PCDH19: variants seen among roughly 807,000 people sequenced by gnomAD.
PCDH19 encodes the protein protocadherin-19.
Under a neutral mutation model 46.2 loss-of-function variants are expected in PCDH19, and 6 were observed. The ratio of observed to expected loss-of-function variants is 0.13; its 90% CI spans 0.07 to 0.26. The LOEUF (loss-of-function observed/expected upper bound fraction) is 0.26, where lower values mean the gene tolerates loss of function less well. Ranked by LOEUF, PCDH19 falls within the 10% of genes least tolerant of loss-of-function variation. The pLI is 1.00. For synonymous variants in PCDH19, 481 were observed against 415.7 expected, an observed-to-expected ratio of 1.16 and a Z score of -1.91; for missense variants, 740 against 972.3, an observed-to-expected ratio of 0.76 and a Z score of 3.18.
At chrX:100,354,961 G>A (rs1926670876) in intron 3 of PCDH19, among the ~76,000 whole-genome samples, 1 of 110,872 alleles carries the variant, frequency 9.0e-6, no homozygotes, top group Non-Finnish European at 1.9e-5. Context: ...AATGGGTCTA[G>A]AGCAAACTTT....
chrX:100,346,365 G>A (rs1031813709), intron 4 of PCDH19, among the ~76,000 whole-genome samples: 2 of 112,218 alleles, frequency 1.8e-5, no homozygotes, highest in Non-Finnish European at 3.8e-5. Flanking sequence ...GAGTGAGAAT[G>A]AAGATTATTA....
rs1928458538 is a variant in PCDH19, at chrX:100,408,139, A to G, written c.459T>C (p.Ala153=). 1 of 1,211,347 alleles carries G rather than the reference A, an allele frequency of 8.3e-7. No individual in the cohort carries two copies. The highest frequency in any genetic ancestry group is 3.0e-5 in the East Asian group (1 of 33,824). Residue 153 remains alanine, a synonymous_variant, in exon 1 of 6, where the codon GCT becomes GCC. Transcript: ENST00000373034. The part of the protein sequence containing the change: ...SPGTRIPLDS[A]YDPDSGSFGV... ...CAAAGCTTCCTGAGTCTGGATCGTA[A>G]GCGCTGTCCAGCGGGATGCGCGTGC...
At chrX:100,310,309 A>G (rs1925092793) in intron 5 of PCDH19, among the ~76,000 whole-genome samples, 1 of 111,115 alleles carries the variant, frequency 9.0e-6, no homozygotes, top group African/African-American at 3.3e-5. Context: ...CATAAAGAAG[A>G]GATTTCAAGA....
chrX:100,313,374 G>C (rs1003734167), intron 5 of PCDH19, among the ~76,000 whole-genome samples: 5 of 111,533 alleles, frequency 4.5e-5, no homozygotes, highest in Non-Finnish European at 9.4e-5. Context: ...CTCCGTTCAA[G>C]CCTGCATGAT....
At chrX:100,396,071 G>A (rs1928018126) in intron 3 of PCDH19, among the ~76,000 whole-genome samples, 1 of 111,101 alleles carries the variant, frequency 9.0e-6, no homozygotes, top group South Asian at 3.8e-4. Context: ...TTGTAAAAAC[G>A]GCTTTATTTA....
At chrX:100,374,341 C>T (rs1360181416) in intron 3 of PCDH19, among the ~76,000 whole-genome samples, 3 of 111,780 alleles carry the variant, frequency 2.7e-5, no homozygotes, top group African/African-American at 6.5e-5. Context: ...GCTACTGTGC[C>T]AAAGGTCGCA....
intron 3 of PCDH19, among the ~76,000 whole-genome samples, chrX:100,382,765 T>C (rs1045203364): frequency 8.9e-6 from 1 of 111,916 alleles, no homozygotes; most frequent in African/African-American, 3.3e-5. Context: ...TACTAAGGGA[T>C]AACATCAGAA....
At chrX:100,337,101 A>C (rs1188634897) in intron 5 of PCDH19, among the ~76,000 whole-genome samples, 1 of 110,773 alleles carries the variant, frequency 9.0e-6, no homozygotes, top group Non-Finnish European at 1.9e-5. Flanking sequence ...ACCTCTCACT[A>C]CTCTACTTGT....
At chrX:100,395,705 T>A (rs969514522) in intron 3 of PCDH19, among the ~76,000 whole-genome samples, 1 of 112,733 alleles carries the variant, frequency 8.9e-6, no homozygotes, top group African/African-American at 3.2e-5. Flanking sequence ...GCTCCCGGAG[T>A]TGGCAGAGTT....
intron 5 of PCDH19, among the ~76,000 whole-genome samples, chrX:100,324,008 G>A (rs1925601577): frequency 1.8e-5 from 2 of 111,733 alleles, no homozygotes; most frequent in South Asian, 3.8e-4. Context: ...AACGATGAAA[G>A]GACATCAGAT....
intron 3 of PCDH19, among the ~76,000 whole-genome samples, chrX:100,362,235 G>A (rs1194530640): frequency 9.1e-6 from 1 of 110,138 alleles, no homozygotes; most frequent in Non-Finnish European, 1.9e-5. Context: ...TCACTCTTAT[G>A]TACACACCTT....
At chrX:100,330,527 A>T (rs1483341460) in intron 5 of PCDH19, among the ~76,000 whole-genome samples, 1 of 112,541 alleles carries the variant, frequency 8.9e-6, no homozygotes, top group Non-Finnish European at 1.9e-5. Flanking sequence ...AAATTATTAG[A>T]GTACTGTATG....
rs1233397867 is a variant in PCDH19, at chrX:100,301,230, A to T, written c.2849-4355T>A. ...TTTCAGGCTTTGCTAAAACTTTCCA[A>T]GTCCTGGTGGAATAGAAGAGCTAAG... On this transcript the variant is annotated intron_variant, in intron 5 of 5. Transcript: ENST00000373034. 2.7e-5 allele frequency among the ~76,000 whole-genome samples: 3 copies of T among 111,603 alleles called. No individual in the cohort carries two copies. The East Asian group carries it at 8.5e-4, about 32-fold the overall frequency.
chrX:100,376,920 C>G (rs770978089), intron 3 of PCDH19, among the ~76,000 whole-genome samples: 1 of 112,516 alleles, frequency 8.9e-6, no homozygotes, highest in Non-Finnish European at 1.9e-5. Flanking sequence ...TCTCCACTTT[C>G]TGTTGCTTGT....
chrX:100,306,332 C>A (rs1459690020), intron 5 of PCDH19, among the ~76,000 whole-genome samples: 2 of 111,599 alleles, frequency 1.8e-5, no homozygotes, highest in East Asian at 5.6e-4. Flanking sequence ...AACAATGAAA[C>A]CAAGATGGAA....
intron 3 of PCDH19, among the ~76,000 whole-genome samples, chrX:100,384,801 A>C (rs949304805): frequency 9.0e-6 from 1 of 111,656 alleles, no homozygotes; most frequent in African/African-American, 3.3e-5. Context: ...GCTGGGTCAA[A>C]GTGTACATGC....
rs1928453388 is a variant in PCDH19, at chrX:100,408,076, G to A, written c.522C>T (p.Phe174=). The A allele has an allele frequency of 8.3e-7, 1 of 1,209,789 alleles. No individual in the cohort carries two copies. Among genetic ancestry groups the A allele is most frequent in the Admixed American group, 2.2e-5 (1 of 46,170 alleles). ...QTYELTPNEL[F]GLEIKTRGDG... The stretch of plus-strand genomic sequence containing the variant: ...CGCCGCGCGTCTTGATCTCCAGGCC[G>A]AACAGCTCGTTGGGCGTGAGCTCGT... Residue 174 remains phenylalanine, a synonymous_variant, in exon 1 of 6, where the codon TTC becomes TTT. Transcript: ENST00000373034.
intron 5 of PCDH19, among the ~76,000 whole-genome samples, chrX:100,309,858 G>A (rs1925079779): frequency 1.8e-5 from 2 of 112,466 alleles, no homozygotes; most frequent in African/African-American, 3.2e-5. Flanking sequence ...GCAAAGTTTA[G>A]TTTTAGTTTG....
chrX:100,312,502 C>CT (rs1925162827), intron 5 of PCDH19, among the ~76,000 whole-genome samples: 1 of 111,543 alleles, frequency 9.0e-6, no homozygotes, highest in African/African-American at 3.3e-5. Flanking sequence ...TTGAATGATT[C>CT]TTTTTCCATT....
Sources: gnomAD v4.1 joint callset for allele counts (sites outside exome capture counted in the v4.1 genomes callset) on GRCh38, gnomAD v4.1.1 for gene constraint, MANE v1.5 for transcripts, NCBI Gene and HGNC (gene_info 2026-07-23, HGNC 2026-07-21) for gene names.